RALGDS: variants seen among roughly 807,000 people sequenced by gnomAD.
RALGDS encodes the protein ral guanine nucleotide dissociation stimulator.
In RALGDS, 44 loss-of-function variants were observed where a neutral mutation model predicts 99.8. That is an observed-to-expected ratio of 0.44 (90% confidence interval 0.35 to 0.57). RALGDS has a LOEUF of 0.57. Ranked by LOEUF, RALGDS falls within the 20% of genes least tolerant of loss-of-function variation. RALGDS has a pLI of 0.01. For synonymous variants in RALGDS, 529 were observed against 505.0 expected (o/e 1.05, Z -0.64); for missense variants, 1,022 against 1,203.1 (o/e 0.85, Z 2.23).
In RALGDS at chr9:133,121,134, G is replaced by A. The variant is rs756799399; in HGVS notation, c.21C>T (p.Ala7=). 2 of 1,444,826 alleles carry A rather than the reference G, an allele frequency of 1.4e-6. No homozygotes were observed. The highest frequency in any genetic ancestry group is 6.1e-5 in the East Asian group (2 of 32,724). The allele number at this position is 1,444,826 out of a possible 1,614,324, so 89.5% of individuals were successfully genotyped here. ...CGCCGCCAGCAGGCCCGGCCGCCTC[G>A]GCCCACATGCGCTGCACCATGGAAG... MVQRMW[A]EAAGPAGGAE... The change falls in exon 1 of 18, where the codon GCC becomes GCT. Residue 7 remains alanine (A), a synonymous_variant. Transcript: ENST00000372050.
intron 1 of RALGDS, among the ~76,000 whole-genome samples, chr9:133,129,756 C>G (rs1832275395): frequency 6.6e-6 from 1 of 152,080 alleles, no homozygotes; most frequent in African/African-American, 2.4e-5. Context: ...CTTCCCTGCC[C>G]CCTAGACCTG....
chr9:133,120,703 G>A (rs1333445532), intron 1 of RALGDS, among the ~76,000 whole-genome samples: 1 of 152,214 alleles, frequency 6.6e-6, no homozygotes, highest in Non-Finnish European at 1.5e-5. Context: ...CAGCGGCCTT[G>A]GTGACAGCAG....
chr9:133,101,570 T>C lies in RALGDS; in HGVS notation c.2404A>G (p.Ile802Val). ...TTGTCCACGTCCAGGCTGACGCGGATGATACAGCAGTCGCCCACCTGCTGG... is the reference window on the plus strand; with the variant it reads ...TTGTCCACGTCCAGGCTGACGCGGACGATACAGCAGTCGCCCACCTGCTGG... The part of the protein sequence containing the change: ...YNQQVGDCCI[I>V]RVSLDVDNGN... The change falls in exon 16 of 18, where the codon ATC becomes GTC. Residue 802 changes from isoleucine to valine, a missense_variant. By Grantham distance (29) the Ile-to-Val change is conservative. Around this residue, in one of 3 missense-constraint regions of RALGDS, gnomAD observed 825 missense variants for 994.5 expected, o/e 0.83. Transcript: ENST00000372050. 1 of 1,612,634 alleles carries C rather than the reference T, an allele frequency of 6.2e-7. No homozygotes were observed. Among genetic ancestry groups the C allele is most frequent in the Non-Finnish European group, 8.5e-7 (1 of 1,180,026 alleles).
intron 17 of RALGDS, chr9:133,099,984 G>T: frequency 2.0e-6 from 1 of 496,618 alleles, no homozygotes; most frequent in Non-Finnish European, 3.7e-6. Flanking sequence ...CTTCCAGTGG[G>T]CCACGTGGCT....
chr9:133,120,036 C>T (rs370277317), intron 1 of RALGDS, among the ~76,000 whole-genome samples: 1 of 152,362 alleles, frequency 6.6e-6, no homozygotes, highest in South Asian at 2.1e-4. Context: ...AGCCAAAGCT[C>T]TGATGGGCCC....
intron 1 of RALGDS, among the ~76,000 whole-genome samples, chr9:133,113,722 C>A (rs774123906): frequency 9.9e-5 from 15 of 152,208 alleles, no homozygotes; most frequent in Non-Finnish European, 2.1e-4. Context: ...CCCCCAACCA[C>A]CCGGGCCTCC....
chr9:133,123,479 C>G (rs572752341), upstream of RALGDS, among the ~76,000 whole-genome samples: 241 of 152,282 alleles, frequency 1.6e-3, 2 homozygotes, highest in African/African-American at 5.6e-3. Context: ...CACACTAAAC[C>G]CCCCAACGCG....
chr9:133,121,183 G>T lies in RALGDS; in HGVS notation c.-29C>A, dbSNP rs557245148. 4 of 923,970 alleles carry T rather than the reference G, an allele frequency of 4.3e-6. No homozygotes were observed. In the African/African-American group the frequency reaches 7.1e-5, roughly 16 times the overall value. The allele number at this position is 923,970 out of a possible 1,614,324, so 57.2% of individuals were successfully genotyped here. A position where few individuals can be genotyped will look rare whatever the true frequency, so the allele number is the denominator to read the frequency against. ...AGGCTCGCAGCGCGGGCGCGGGGCC[G>T]GCCCGGCGCGCGGCGGGGGCGGCGG... On this transcript the variant is annotated 5_prime_UTR_variant, in exon 1 of 18. Coordinates refer to ENST00000372050, the MANE Select transcript of RALGDS (RefSeq NM_006266.4).
chr9:133,108,162 CTGTTCTGGAGCTGGCTCT>C lies in RALGDS; in HGVS notation c.1005_1022del (p.Glu336_Gln341del), dbSNP rs763441060. 1.5e-5 allele frequency: 24 copies of C among 1,613,162 alleles called. No homozygotes were observed. In the African/African-American group the frequency reaches 2.0e-4, roughly 13 times the overall value. On this transcript the variant is annotated inframe_deletion, in exon 6 of 18. Coordinates refer to ENST00000372050, the MANE Select transcript of RALGDS (RefSeq NM_006266.4). ...CTAGAGTTTGTGAGGGAGCTGGATC[CTGTTCTGGAGCTGGCTCT>C]AGTTCCAGAGCTGGCGCTGGAGCCG...
upstream of RALGDS, among the ~76,000 whole-genome samples, chr9:133,125,150 C>A (rs992683761): frequency 6.6e-6 from 1 of 152,172 alleles, no homozygotes; most frequent in Non-Finnish European, 1.5e-5. Flanking sequence ...TTAAAAAAAA[C>A]AACTATAAGA....
intron 3 of RALGDS, 118 bp downstream of exon 3, chr9:133,110,178 T>C (rs1831274208): frequency 9.0e-7 from 1 of 1,110,746 alleles, no homozygotes; most frequent in South Asian, 1.3e-5. Context: ...CCAGTTTCTC[T>C]TTCATATGAG....
rs999017608 is a variant in RALGDS at position 133,144,092 on chromosome 9, T to C, written c.18+4871A>G. Among the ~76,000 whole-genome samples the C allele has an allele frequency of 2.6e-5, 4 of 152,120 alleles. No homozygotes were observed. The highest frequency in any genetic ancestry group is 5.9e-5 in the Non-Finnish European group (4 of 68,002). On this transcript the variant is annotated intron_variant, in intron 1 of 17. Transcript: ENST00000393160. The surrounding 1 kb of genome is among the most constrained non-coding windows in gnomAD (Gnocchi z 4.5). The stretch of plus-strand genomic sequence containing the variant: ...TGGGGGGAAGGACCCCTCAAGTCTC[T>C]ATCTGCACAGACAGCCCACCCGTGC...
intron 7 of RALGDS, 136 bp from the exon 8 acceptor site, chr9:133,106,884 G>C (rs1161434009): frequency 6.7e-6 from 6 of 898,676 alleles, no homozygotes; most frequent in Non-Finnish European, 1.1e-5. Context: ...CCTGCGACCC[G>C]GGGGTGACAG....
Position 133,140,018 on chromosome 9 carries a change from G to A in RALGDS, c.18+8945C>T, listed in dbSNP as rs549821240. ...AACTTCCCTGCGGCTGCTGTTCCTG[G>A]TGAACATCGTGACAGATGACAGCAC... is the stretch of plus-strand genomic sequence containing the variant. On this transcript the variant is annotated intron_variant, in intron 1 of 17. Coordinates refer to the RALGDS transcript ENST00000393160. Among the ~76,000 whole-genome samples the A allele has an allele frequency of 2.7e-4, 41 of 151,852 alleles. No individual in the cohort carries two copies. In the South Asian group the frequency reaches 4.2e-3, roughly 15 times the overall value.
intron 6 of RALGDS, 124 bp from the exon 7 acceptor site, chr9:133,107,424 GC>G (rs1158445679): frequency 2.1e-5 from 19 of 889,300 alleles, no homozygotes; most frequent in Non-Finnish European, 3.4e-5. Context: ...CATGCAGGGT[GC>G]CCAGCACACA....
At chr9:133,102,670 T>G in intron 13 of RALGDS, 99 bp from the exon 14 acceptor site, 1 of 1,605,434 alleles carries the variant, frequency 6.2e-7, no homozygotes, top group Non-Finnish European at 8.5e-7. Flanking sequence ...CCGGCCATCC[T>G]CAGGCAACAG....
At chr9:133,141,562 G>A (rs975418680) in intron 1 of RALGDS, among the ~76,000 whole-genome samples, 10 of 152,194 alleles carry the variant, frequency 6.6e-5, no homozygotes, top group South Asian at 2.1e-4. Flanking sequence ...AGCAATAAGC[G>A]CTGAGCTGGA....
At chr9:133,101,828 A>C in intron 15 of RALGDS, 66 bp from the exon 16 acceptor site, 2 of 1,555,544 alleles carry the variant, frequency 1.3e-6, no homozygotes, top group Non-Finnish European at 1.7e-6. Context: ...CAGCTGCCAG[A>C]TGGGGAACCT....
rs1420827019 is a variant in RALGDS, at chr9:133,112,105, G to A, written c.231C>T (p.Tyr77=). The part of the protein sequence containing the change: ...IGEELINGVI[Y]SISLRKVQLH... ...GCTGCACCTTGCGCAGGGAGATGGA[G>A]TAGATGACTCCGTTGATCAGCTCCT... is the stretch of plus-strand genomic sequence containing the variant. Residue 77 remains tyrosine, a synonymous_variant, in exon 2 of 18, where the codon TAC becomes TAT. Transcript: ENST00000372050. The A allele has an allele frequency of 2.5e-6, 4 of 1,585,268 alleles. No individual in the cohort carries two copies. The highest frequency in any genetic ancestry group is 3.4e-6 in the Non-Finnish European group (4 of 1,164,844).
Sources: gnomAD v4.1 joint callset for allele counts (sites outside exome capture counted in the v4.1 genomes callset) on GRCh38, gnomAD v4.1.1 for gene constraint, gnomAD v4.1.1 regional missense constraint, Gnocchi (gnomAD v3.1) non-coding constraint, MANE v1.5 for transcripts, NCBI Gene and HGNC (gene_info 2026-07-23, HGNC 2026-07-21) for gene names.